Variants in SPINT1 observed in about 807,000 individuals in gnomAD.
The protein encoded by SPINT1 is kunitz-type protease inhibitor 1.
A neutral mutation model predicts 53.7 loss-of-function variants in SPINT1; 38 were observed. The observed-to-expected ratio is 0.71, with a 90% CI of 0.55 to 0.93. The LOEUF is 0.93. SPINT1 is among the 40% of genes least tolerant of loss of function. The probability of loss-of-function intolerance (pLI) is 0.00; values close to 1 mark genes in which losing one functional copy is unlikely to be tolerated. For synonymous variants in SPINT1, 283 were observed against 280.6 expected, an observed-to-expected ratio of 1.01 and a Z score of -0.08; for missense variants, 645 against 692.9, an observed-to-expected ratio of 0.93 and a Z score of 0.78.
At chr15:40,845,662 G>A (rs1309013575) in intron 2 of SPINT1, among the ~76,000 whole-genome samples, 2 of 152,168 alleles carry the variant, frequency 1.3e-5, no homozygotes, top group Non-Finnish European at 2.9e-5. Flanking sequence ...CTCACAGGGA[G>A]GCCTTTGGCT....
At chr15:40,855,811 G>T in intron 8 of SPINT1, 81 bp from the exon 9 acceptor site, 1 of 1,493,776 alleles carries the variant, frequency 6.7e-7, no homozygotes. Context: ...GGAGGTGCTG[G>T]GCAGCAGCCA....
chr15:40,844,693 G>T lies in SPINT1; in HGVS notation c.139G>T (p.Gly47Ter). The T allele has an allele frequency of 6.2e-7, 1 of 1,607,684 alleles. No homozygotes were observed. The highest frequency in any genetic ancestry group is 8.5e-7 in the Non-Finnish European group (1 of 1,177,116). ...PPPAPPGLPA[G>*]ADCLNSFTAG... ...GCCCGCGCCCCCTGGGCTGCCCGCG[G>T]GAGCCGACTGCCTGAACAGCTTTAC... Residue 47 changes from glycine to a stop codon, truncating the protein, a stop_gained, in exon 2 of 11, where the codon GGA (glycine) becomes TGA (stop). Coordinates refer to ENST00000562057, the MANE Select transcript of SPINT1 (RefSeq NM_003710.4). LOFTEE classifies it high-confidence loss of function. This position sits in a 1 kb window ranked among gnomAD's most constrained non-coding sequence, Gnocchi z 5.8.
In SPINT1 at chr15:40,856,703, G is replaced by T. The variant is rs986826430; in HGVS notation, c.1337-67G>T. 3.7e-6 allele frequency: 6 copies of T among 1,603,314 alleles called. No homozygotes were observed. The African/African-American group carries it at 8.0e-5, about 21-fold the overall frequency. On this transcript the variant is annotated intron_variant, in intron 10 of 10. Transcript: ENST00000562057. ...TCCATTTGACTTGGTCTCTTCCATA[G>T]ATTGGGGGTGGGTGTCAGAACCAGG...
At chr15:40,851,605 T>C (rs1170984138) in intron 2 of SPINT1, among the ~76,000 whole-genome samples, 2 of 152,240 alleles carry the variant, frequency 1.3e-5, no homozygotes, top group African/African-American at 4.8e-5. Context: ...TCCACTGCCT[T>C]GTTTAGTCCA....
rs769224433 is a variant in SPINT1, at chr15:40,856,741, G to A, written c.1337-29G>A. The A allele has an allele frequency of 9.3e-6, 15 of 1,612,844 alleles. No homozygotes were observed. In the East Asian group the frequency reaches 1.3e-4, roughly 14 times the overall value. ...TGTCAGAACCAGGCAGGCCCTGGGA[G>A]CCCCTTATTCTACCCCTTCTTCCCC... is the stretch of plus-strand genomic sequence containing the variant. On this transcript the variant is annotated intron_variant, in intron 10 of 10. Transcript: ENST00000562057.
intron 2 of SPINT1, among the ~76,000 whole-genome samples, chr15:40,848,823 C>G (rs1408502429): frequency 2.0e-5 from 3 of 152,148 alleles, no homozygotes; most frequent in Non-Finnish European, 4.4e-5. Flanking sequence ...CTCTCTCTCT[C>G]TCTGTCTCAT....
intron 4 of SPINT1, 26 bp downstream of exon 4, chr15:40,853,653 C>T (rs1891531627): frequency 6.2e-7 from 1 of 1,614,004 alleles, no homozygotes; most frequent in South Asian, 1.1e-5. Flanking sequence ...GGAGCAGCAC[C>T]TGGAGCCCCC....
In SPINT1 at chr15:40,845,041, GC is replaced by G. The variant is rs1328188527; in HGVS notation, c.475+14del. 6.3e-7 allele frequency: 1 copy of G among 1,590,802 alleles called. No individual in the cohort carries two copies. Among genetic ancestry groups the G allele is most frequent in the Non-Finnish European group, 8.6e-7 (1 of 1,168,526 alleles). The stretch of plus-strand genomic sequence containing the variant: ...CCAGGGCTTTGGAGGTGAGGAGGGT[GC>G]CAAGATGGATGGGTTTGGAGAGACT... On this transcript the variant is annotated intron_variant, in intron 2 of 10. Coordinates refer to ENST00000562057, the MANE Select transcript of SPINT1 (RefSeq NM_003710.4).
intron 2 of SPINT1, among the ~76,000 whole-genome samples, chr15:40,849,688 G>A (rs1256733985): frequency 6.6e-6 from 1 of 152,208 alleles, no homozygotes; most frequent in Non-Finnish European, 1.5e-5. Context: ...ATTTGCTGTG[G>A]AGTCTGACAG....
chr15:40,844,722 C>G lies in SPINT1; in HGVS notation c.168C>G (p.Ala56=), dbSNP rs765098289. The change falls in exon 2 of 11, where the codon GCC becomes GCG. Residue 56 remains alanine (A), a synonymous_variant. Coordinates refer to ENST00000562057, the MANE Select transcript of SPINT1 (RefSeq NM_003710.4). This position sits in a 1 kb window ranked among gnomAD's most constrained non-coding sequence, Gnocchi z 5.8. The part of the protein sequence containing the change: ...AGADCLNSFT[A]GVPGFVLDTN... ...CCGACTGCCTGAACAGCTTTACCGC[C>G]GGGGTGCCTGGCTTCGTGCTGGACA... 1.2e-6 allele frequency: 2 copies of G among 1,609,196 alleles called. No homozygotes were observed. The highest frequency in any genetic ancestry group is 3.4e-5 in the Admixed American group (2 of 59,662).
chr15:40,853,647 C>T lies in SPINT1; in HGVS notation c.742+20C>T, dbSNP rs202231232. The stretch of plus-strand genomic sequence containing the variant: ...CAGAAGGTGAGGGAGGGGTGAGGAG[C>T]AGCACCTGGAGCCCCCGCTGTGCGG... On this transcript the variant is annotated intron_variant, in intron 4 of 10. Transcript: ENST00000562057. 97 of 1,613,986 alleles carry T rather than the reference C, an allele frequency of 6.0e-5. No homozygotes were observed. Among genetic ancestry groups the T allele is most frequent in the Middle Eastern group, 1.6e-4 (1 of 6,062 alleles).
chr15:40,857,112 C>T lies in SPINT1; in HGVS notation c.*137C>T, dbSNP rs1325896142. 2.5e-6 allele frequency: 3 copies of T among 1,179,274 alleles called. No individual in the cohort carries two copies. Among genetic ancestry groups the T allele is most frequent in the Non-Finnish European group, 3.5e-6 (3 of 858,260 alleles). 73.1% of individuals were successfully genotyped at this position (1,179,274 alleles called of 1,614,324 possible). The stretch of plus-strand genomic sequence containing the variant: ...GCCTCAGAGACCAGGGCTCCAGCCC[C>T]TCTTGGAGAAGTCTCAGCTAAGCTC... On this transcript the variant is annotated 3_prime_UTR_variant, in exon 11 of 11. Coordinates refer to ENST00000562057, the MANE Select transcript of SPINT1 (RefSeq NM_003710.4).
At position 40,849,042 on chromosome 15, in the gene SPINT1, T is replaced by G. The variant is rs372049289; in HGVS notation, c.475+4013T>G. On this transcript the variant is annotated intron_variant, in intron 2 of 10. Transcript: ENST00000562057. ...CGGGCGGATCACGAGGTCGGGAGAT[T>G]GAGACCATCCTGGCTAACACGGTGA... Among the ~76,000 whole-genome samples, 208 of 151,546 alleles carry G rather than the reference T, an allele frequency of 1.4e-3. 1 individual carries two copies. Among genetic ancestry groups the G allele is most frequent in the Non-Finnish European group, 2.4e-3 (165 of 67,850 alleles).
At position 40,853,622 on chromosome 15, in the gene SPINT1, CAGA is replaced by C; in HGVS notation, c.740_742del (p.Glu247del). ...GTCACTGTGCTGTCCACCAAGCAGA[CAGA>C]AGGTGAGGGAGGGGTGAGGAGCAGC... On this transcript the variant is annotated inframe_deletion and splice_region_variant, in exon 4 of 11. Transcript: ENST00000562057. The C allele has an allele frequency of 1.2e-6, 2 of 1,614,016 alleles. No individual in the cohort carries two copies. The highest frequency in any genetic ancestry group is 1.7e-6 in the Non-Finnish European group (2 of 1,179,946).
intron 2 of SPINT1, among the ~76,000 whole-genome samples, chr15:40,847,902 A>T (rs560182945): frequency 6.6e-6 from 1 of 151,942 alleles, no homozygotes; most frequent in African/African-American, 2.4e-5. Flanking sequence ...TACAAAATGC[A>T]AGGAGGGAGG....
chr15:40,855,661 T>C (rs1033484721), intron 8 of SPINT1: 3 of 442,360 alleles, frequency 6.8e-6, no homozygotes, highest in Admixed American at 4.0e-5. Flanking sequence ...TGAAAGAAAA[T>C]TGAAATAACT....
intron 2 of SPINT1, among the ~76,000 whole-genome samples, chr15:40,845,886 C>T (rs746010968): frequency 6.6e-5 from 10 of 152,158 alleles, no homozygotes; most frequent in Non-Finnish European, 1.3e-4. Flanking sequence ...CATCTCTCTA[C>T]CCCCTAGGAA....
intron 2 of SPINT1, 36 bp from the exon 3 acceptor site, chr15:40,853,088 G>T (rs1891510543): frequency 1.2e-6 from 2 of 1,604,814 alleles, no homozygotes; most frequent in African/African-American, 1.3e-5. Context: ...TCCATCTAGT[G>T]AGAATTGACC....
At chr15:40,854,890 C>T (rs949224102) in intron 8 of SPINT1, among the ~76,000 whole-genome samples, 2 of 152,182 alleles carry the variant, frequency 1.3e-5, no homozygotes, top group African/African-American at 4.8e-5. Flanking sequence ...TCTGTGTTTT[C>T]CAGGCATCAC....
Sources: gnomAD v4.1 joint callset for allele counts (sites outside exome capture counted in the v4.1 genomes callset) on GRCh38, gnomAD v4.1.1 for gene constraint, Gnocchi (gnomAD v3.1) non-coding constraint, MANE v1.5 for transcripts, NCBI Gene and HGNC (gene_info 2026-07-23, HGNC 2026-07-21) for gene names.